Variants in ARHGAP17 observed in about 807,000 individuals in gnomAD.
ARHGAP17 encodes Rho GTPase activating protein 17.
A neutral mutation model predicts 99.5 loss-of-function variants in ARHGAP17; 57 were observed. The ratio of observed to expected loss-of-function variants is 0.57; its 90% CI spans 0.46 to 0.71. The LOEUF is 0.71. Ranked by LOEUF, ARHGAP17 falls within the 30% of genes least tolerant of loss-of-function variation. ARHGAP17 has a pLI of 0.00. For synonymous variants in ARHGAP17, 417 were observed against 429.6 expected (o/e 0.97, Z 0.36); for missense variants, 1,000 against 1,122.4 (o/e 0.89, Z 1.56).
At chr16:24,953,153 A>G in intron 10 of ARHGAP17, 111 bp from the exon 11 acceptor site, 1 of 963,040 alleles carries the variant, frequency 1.0e-6, no homozygotes, top group East Asian at 2.6e-5. Context: ...CTGTCTATGA[A>G]AGCAGTGTTA....
At chr16:25,012,356 C>A (rs561655459) in intron 1 of ARHGAP17, among the ~76,000 whole-genome samples, 24 of 152,310 alleles carry the variant, frequency 1.6e-4, no homozygotes, top group East Asian at 3.9e-4. Context: ...TCCCCTGGAA[C>A]CTTACAGTGA....
At chr16:24,967,529 G>A (rs1454538671) in intron 6 of ARHGAP17, among the ~76,000 whole-genome samples, 1 of 152,140 alleles carries the variant, frequency 6.6e-6, no homozygotes, top group Non-Finnish European at 1.5e-5. Context: ...ACTCCACTGA[G>A]GGCCAGGTAC....
intron 1 of ARHGAP17, among the ~76,000 whole-genome samples, chr16:25,003,388 C>T (rs1419317875): frequency 6.6e-6 from 1 of 151,876 alleles, no homozygotes; most frequent in Non-Finnish European, 1.5e-5. Flanking sequence ...GTGTGCACCA[C>T]AATGCCTGGC....
chr16:24,936,977 G>A (rs763355265), intron 17 of ARHGAP17: 19 of 151,322 alleles, frequency 1.3e-4, no homozygotes, highest in Admixed American at 2.6e-4. Flanking sequence ...AAATTAGCTG[G>A]GCATGGGGAT....
At chr16:24,959,607 G>A in intron 9 of ARHGAP17, 64 bp downstream of exon 9, 2 of 1,526,632 alleles carry the variant, frequency 1.3e-6, no homozygotes, top group Non-Finnish European at 1.8e-6. Flanking sequence ...TCAGGGTGAA[G>A]AAGAACCCAG....
chr16:24,968,204 G>T, intron 6 of ARHGAP17, 147 bp downstream of exon 6: 1 of 771,198 alleles, frequency 1.3e-6, no homozygotes, highest in Non-Finnish European at 2.2e-6. Flanking sequence ...GGAGAACAAG[G>T]CCTATAGGAG....
At chr16:24,979,557 CTAAG>C (rs1159211732) in intron 1 of ARHGAP17, among the ~76,000 whole-genome samples, 1 of 152,112 alleles carries the variant, frequency 6.6e-6, no homozygotes, top group Admixed American at 6.5e-5. Context: ...TGAAAAGAAA[CTAAG>C]TGTTTCCACA....
intron 19 of ARHGAP17, among the ~76,000 whole-genome samples, chr16:24,925,896 G>A (rs1334624081): frequency 6.6e-6 from 1 of 152,114 alleles, no homozygotes; most frequent in Non-Finnish European, 1.5e-5. Flanking sequence ...AGATCACAAG[G>A]TCAGCAGATC....
intron 19 of ARHGAP17, among the ~76,000 whole-genome samples, chr16:24,926,776 T>C (rs1425400744): frequency 6.6e-6 from 1 of 152,176 alleles, no homozygotes; most frequent in Non-Finnish European, 1.5e-5. Context: ...CTGCAGAGCA[T>C]TGTCTTTTTA....
intron 12 of ARHGAP17, 102 bp downstream of exon 12, chr16:24,952,187 T>C: frequency 1.3e-6 from 1 of 774,080 alleles, no homozygotes; most frequent in Non-Finnish European, 2.1e-6. Context: ...ACAAATACGC[T>C]ATTTTAATCT....
chr16:24,963,482 T>C (rs1306675060), intron 7 of ARHGAP17, among the ~76,000 whole-genome samples: 3 of 152,098 alleles, frequency 2.0e-5, no homozygotes, highest in Non-Finnish European at 4.4e-5. Context: ...TTTAAAACAA[T>C]GAAAAATAAG....
intron 1 of ARHGAP17, among the ~76,000 whole-genome samples, chr16:24,985,130 T>C (rs1298829891): frequency 1.3e-5 from 2 of 152,280 alleles, no homozygotes; most frequent in East Asian, 3.9e-4. Context: ...TGATGGGAGA[T>C]GCTACTGGTC....
At position 25,015,207 on chromosome 16, in the gene ARHGAP17, G is replaced by C. The variant is rs1276643295; in HGVS notation, c.53+2C>G. ...GACCCCCGTGCTGCCCGGCGCACTC[G>C]CCTGCCCACGGTCTGGTTAGCCAGC... On this transcript the variant is annotated splice_donor_variant, in intron 1 of 19. Transcript: ENST00000289968. LOFTEE classifies it high-confidence loss of function. 2 of 1,328,178 alleles carry C rather than the reference G, an allele frequency of 1.5e-6. No individual in the cohort carries two copies. Among genetic ancestry groups the C allele is most frequent in the East Asian group, 3.2e-5 (1 of 31,034 alleles). The allele number at this position is 1,328,178 out of a possible 1,614,324, so 82.3% of individuals were successfully genotyped here. A position where few individuals can be genotyped will look rare whatever the true frequency, so the allele number is the denominator to read the frequency against.
intron 1 of ARHGAP17, among the ~76,000 whole-genome samples, chr16:25,010,833 G>A (rs1479936354): frequency 6.6e-6 from 1 of 152,232 alleles, no homozygotes; most frequent in Non-Finnish European, 1.5e-5. Context: ...ATGGCCCAAA[G>A]CACTGATTCA....
chr16:24,961,012 C>T (rs1049401531), intron 7 of ARHGAP17, among the ~76,000 whole-genome samples: 4 of 151,976 alleles, frequency 2.6e-5, no homozygotes, highest in African/African-American at 9.7e-5. Context: ...GCTGGGATTA[C>T]AGGCGTGTGC....
intron 1 of ARHGAP17, among the ~76,000 whole-genome samples, chr16:24,992,457 T>G (rs2053075433): frequency 6.6e-6 from 1 of 152,114 alleles, no homozygotes; most frequent in East Asian, 1.9e-4. Context: ...TGCCTCAGCC[T>G]CCCGAGTAGC....
intron 1 of ARHGAP17, among the ~76,000 whole-genome samples, chr16:24,991,883 G>C (rs1024884836): frequency 6.6e-6 from 1 of 152,200 alleles, no homozygotes. Context: ...AAAGAAAAAA[G>C]GAGACAGAAA....
intron 14 of ARHGAP17, among the ~76,000 whole-genome samples, chr16:24,944,907 C>A (rs916857605): frequency 6.6e-6 from 1 of 151,960 alleles, no homozygotes; most frequent in African/African-American, 2.4e-5. Flanking sequence ...TGAGCCACCG[C>A]GCCTGGCAAA....
At chr16:24,962,097 A>G (rs1476421509) in intron 7 of ARHGAP17, among the ~76,000 whole-genome samples, 1 of 151,180 alleles carries the variant, frequency 6.6e-6, no homozygotes, top group Admixed American at 6.6e-5. Context: ...CTTTTATAAT[A>G]ACTGGGAAAG....
Sources: allele counts gnomAD v4.1 joint callset (sites outside exome capture counted in the v4.1 genomes callset), GRCh38; gene constraint gnomAD v4.1.1; transcripts MANE v1.5; gene names NCBI Gene and HGNC (gene_info 2026-07-23, HGNC 2026-07-21).